TBC1D5: variants seen among roughly 807,000 people sequenced by gnomAD.
TBC1D5 encodes the protein TBC1 domain family, member 5.
In TBC1D5, 75 loss-of-function variants were observed where a neutral mutation model predicts 100.3. The observed-to-expected ratio is 0.75, with a 90% CI of 0.62 to 0.91. The LOEUF (loss-of-function observed/expected upper bound fraction) is 0.91. TBC1D5 is among the 40% of genes least tolerant of loss of function. The pLI is 0.00. For missense variants in TBC1D5, 910 were observed against 942.4 expected (o/e 0.97, Z 0.45); for synonymous variants, 323 against 325.6 (o/e 0.99, Z 0.09).
chr3:17,435,112 A>G (rs1277826740), intron 3 of TBC1D5, among the ~76,000 whole-genome samples: 5 of 152,134 alleles, frequency 3.3e-5, no homozygotes, highest in Admixed American at 3.3e-4. Flanking sequence ...CATTCAACAA[A>G]TCTCAAGTTC....
chr3:17,376,572 G>C (rs2092718045), exon 10 of TBC1D5: 1 of 1,613,014 alleles, frequency 6.2e-7, no homozygotes, highest in African/African-American at 1.3e-5. Context: ...GGTGGTCACA[G>C]TGAAGGACAA....
upstream of TBC1D5, among the ~76,000 whole-genome samples, chr3:17,741,445 T>C (rs996525256): frequency 2.6e-5 from 4 of 152,254 alleles, no homozygotes; most frequent in South Asian, 2.1e-4. Context: ...TACCTATTTA[T>C]TGCTTCCTGC....
At chr3:17,197,620 C>T (rs141167982) in intron 18 of TBC1D5, among the ~76,000 whole-genome samples, 81 of 152,290 alleles carry the variant, frequency 5.3e-4, no homozygotes, top group African/African-American at 1.9e-3. Flanking sequence ...AATCCTCCCA[C>T]CTCAGCCTCT....
chr3:17,555,738 A>G (rs1179093858), intron 2 of TBC1D5, among the ~76,000 whole-genome samples: 2 of 152,176 alleles, frequency 1.3e-5, no homozygotes, highest in African/African-American at 4.8e-5. Flanking sequence ...ATGCTATACT[A>G]CAATCAGGGT....
intron 3 of TBC1D5, among the ~76,000 whole-genome samples, chr3:17,472,668 T>C (rs1395011802): frequency 1.3e-5 from 2 of 152,256 alleles, no homozygotes; most frequent in East Asian, 1.9e-4. Context: ...GCTATAGTTT[T>C]GTTTATACCC....
intron 1 of TBC1D5, among the ~76,000 whole-genome samples, chr3:17,635,732 A>G (rs1167901119): frequency 1.3e-5 from 2 of 152,184 alleles, no homozygotes; most frequent in Non-Finnish European, 2.9e-5. Flanking sequence ...AAAGAACAGA[A>G]TGAATTCAGG....
chr3:17,352,533 G>T lies in TBC1D5; in HGVS notation c.995+19542C>A, dbSNP rs2090727906. Reference sequence around the variant, plus strand: ...TATAGAGTTGACTGTAGAGACTGGTGAAATTTTACCTTGGTACAGGATTCA... The same window carrying T: ...TATAGAGTTGACTGTAGAGACTGGTTAAATTTTACCTTGGTACAGGATTCA... On this transcript the variant is annotated intron_variant, in intron 13 of 21. Transcript: ENST00000253692. Among the ~76,000 whole-genome samples the T allele has an allele frequency of 2.0e-5, 3 of 151,840 alleles. No individual in the cohort carries two copies. In the South Asian group the frequency reaches 6.2e-4, roughly 32 times the overall value.
chr3:17,292,961 A>AT (rs2081912740), intron 14 of TBC1D5, among the ~76,000 whole-genome samples: 1 of 152,122 alleles, frequency 6.6e-6, no homozygotes, highest in South Asian at 2.1e-4. Context: ...TTTTTAGATT[A>AT]TTTTTTCTTC....
chr3:17,637,692 C>T (rs1197900098), intron 1 of TBC1D5, among the ~76,000 whole-genome samples: 1 of 151,988 alleles, frequency 6.6e-6, no homozygotes, highest in Non-Finnish European at 1.5e-5. Context: ...TAATTTCTTC[C>T]CAGCTGATAA....
intron 3 of TBC1D5, among the ~76,000 whole-genome samples, chr3:17,455,705 T>A (rs1351151494): frequency 6.6e-6 from 1 of 152,040 alleles, no homozygotes; most frequent in African/African-American, 2.4e-5. Context: ...CCAGGTGTCA[T>A]GGTGCACACT....
chr3:17,479,521 T>C (rs904850420), intron 3 of TBC1D5, among the ~76,000 whole-genome samples: 1 of 152,198 alleles, frequency 6.6e-6, no homozygotes, highest in South Asian at 2.1e-4. Flanking sequence ...AACTATCTGA[T>C]AAATGGAATA....
chr3:17,363,123 A>C (rs190887770), intron 13 of TBC1D5, among the ~76,000 whole-genome samples: 5 of 152,026 alleles, frequency 3.3e-5, no homozygotes, highest in South Asian at 2.1e-4. Context: ...TTCTACTTTT[A>C]TTTTACTTTT....
intron 3 of TBC1D5, among the ~76,000 whole-genome samples, chr3:17,463,325 T>C (rs1317746394): frequency 6.6e-6 from 1 of 152,200 alleles, no homozygotes; most frequent in African/African-American, 2.4e-5. Context: ...CTGATATTTA[T>C]TTGCCTACTT....
intron 16 of TBC1D5, among the ~76,000 whole-genome samples, chr3:17,246,967 C>T (rs980044118): frequency 1.3e-5 from 2 of 152,160 alleles, no homozygotes; most frequent in African/African-American, 4.8e-5. Flanking sequence ...GGCCTTGGGT[C>T]ACACCAAATT....
intron 2 of TBC1D5, among the ~76,000 whole-genome samples, chr3:17,539,277 A>G (rs922337963): frequency 2.0e-5 from 3 of 152,346 alleles, no homozygotes; most frequent in South Asian, 2.1e-4. Context: ...TATTATGCAG[A>G]TGAAGCCTCC....
chr3:17,296,377 AT>A (rs1217570485), intron 14 of TBC1D5, among the ~76,000 whole-genome samples: 4 of 152,334 alleles, frequency 2.6e-5, no homozygotes, highest in African/African-American at 9.6e-5. Flanking sequence ...TGAAAAAAAT[AT>A]TTGTTGAGAG....
intron 3 of TBC1D5, among the ~76,000 whole-genome samples, chr3:17,433,506 TC>T (rs2094480458): frequency 6.7e-6 from 1 of 149,022 alleles, no homozygotes; most frequent in Non-Finnish European, 1.5e-5. Context: ...TCATGAGAAC[TC>T]ACTATCACAA....
At chr3:17,322,177 A>C (rs2085494864) in intron 13 of TBC1D5, among the ~76,000 whole-genome samples, 1 of 152,180 alleles carries the variant, frequency 6.6e-6, no homozygotes, top group Non-Finnish European at 1.5e-5. Context: ...TATCTCATTC[A>C]ATGTGATTTG....
At position 17,695,839 on chromosome 3, in the gene TBC1D5, T is replaced by A. The variant is rs536701583; in HGVS notation, c.-101+43504A>T. Reference sequence around the variant, plus strand: ...CGCACTTATTCTAAAACTGACCACATAATTGGAAGTAAAGCACTCCTCAGC... The same window carrying A: ...CGCACTTATTCTAAAACTGACCACAAAATTGGAAGTAAAGCACTCCTCAGC... On this transcript the variant is annotated intron_variant, in intron 1 of 21. Coordinates refer to ENST00000253692, the Ensembl canonical transcript of TBC1D5. Among the ~76,000 whole-genome samples the A allele has an allele frequency of 4.6e-5, 7 of 152,282 alleles. No individual in the cohort carries two copies. In the East Asian group the frequency reaches 1.2e-3, roughly 25 times the overall value.
Sources: allele counts gnomAD v4.1 joint callset (sites outside exome capture counted in the v4.1 genomes callset), GRCh38; gene constraint gnomAD v4.1.1; transcripts MANE v1.5; gene names NCBI Gene and HGNC (gene_info 2026-07-23, HGNC 2026-07-21).